The following ADAMTSL1 variants were observed in gnomAD, a reference collection of about 807,000 sequenced individuals.
ADAMTSL1 encodes the protein ADAMTS like 1.
Under a neutral mutation model 201.8 loss-of-function variants are expected in ADAMTSL1, and 126 were observed. The observed-to-expected ratio is 0.62, with a 90% CI of 0.54 to 0.72. ADAMTSL1 has a LOEUF of 0.72. Ranked by LOEUF, ADAMTSL1 falls within the 30% of genes least tolerant of loss-of-function variation. The probability of loss-of-function intolerance (pLI) is 0.00; values close to 1 mark genes in which losing one functional copy is unlikely to be tolerated. For synonymous variants in ADAMTSL1, 1,121 were observed against 903.4 expected (o/e 1.24, Z -4.32); for missense variants, 2,679 against 2,277.8 (o/e 1.18, Z -3.59).
chr9:18,811,059 C>G (rs911452006), intron 20 of ADAMTSL1, among the ~76,000 whole-genome samples: 1 of 145,260 alleles, frequency 6.9e-6, no homozygotes, highest in Non-Finnish European at 1.5e-5. Flanking sequence ...GAAACCTTCT[C>G]TCTCTAACAA....
chr9:18,014,742 G>A (rs1239547898), intron 1 of ADAMTSL1, among the ~76,000 whole-genome samples: 1 of 152,058 alleles, frequency 6.6e-6, no homozygotes, highest in Non-Finnish European at 1.5e-5. Context: ...CAAGGCAGTG[G>A]AGGCTGATGA....
At chr9:18,882,800 C>T (rs1828614558) in intron 23 of ADAMTSL1, among the ~76,000 whole-genome samples, 4 of 151,942 alleles carry the variant, frequency 2.6e-5, no homozygotes. Context: ...TCAAGACCAG[C>T]CTGGGCAACA....
intron 2 of ADAMTSL1, among the ~76,000 whole-genome samples, chr9:18,347,588 A>C (rs1270463496): frequency 1.3e-5 from 2 of 152,190 alleles, no homozygotes; most frequent in Non-Finnish European, 2.9e-5. Context: ...AAAACAATGA[A>C]TCAGCACAGC....
intron 2 of ADAMTSL1, among the ~76,000 whole-genome samples, chr9:18,203,458 G>T (rs111698495): frequency 6.6e-6 from 1 of 151,510 alleles, no homozygotes; most frequent in African/African-American, 2.4e-5. Context: ...AGATTGACTA[G>T]TATAGAAAGG....
intron 3 of ADAMTSL1, among the ~76,000 whole-genome samples, chr9:18,551,339 T>C (rs949998361): frequency 6.6e-6 from 1 of 151,924 alleles, no homozygotes; most frequent in Non-Finnish European, 1.5e-5. Context: ...TTAGGACAAT[T>C]TGCCTCTATG....
At chr9:18,594,190 C>T (rs774312879) in intron 4 of ADAMTSL1, among the ~76,000 whole-genome samples, 1 of 152,162 alleles carries the variant, frequency 6.6e-6, no homozygotes, top group South Asian at 2.1e-4. Context: ...TATTTTCCCA[C>T]TCCTTCCTGG....
At chr9:18,005,549 C>T (rs929273087) in intron 1 of ADAMTSL1, among the ~76,000 whole-genome samples, 4 of 152,026 alleles carry the variant, frequency 2.6e-5, no homozygotes, top group Admixed American at 2.0e-4. Context: ...TTCTCCCCTC[C>T]ATACTACTTT....
intron 2 of ADAMTSL1, among the ~76,000 whole-genome samples, chr9:18,180,855 T>A (rs1196583208): frequency 1.3e-5 from 2 of 152,134 alleles, no homozygotes; most frequent in African/African-American, 4.8e-5. Flanking sequence ...AGAACAAAGC[T>A]GGAGGCATCA....
intron 14 of ADAMTSL1, among the ~76,000 whole-genome samples, chr9:18,707,470 A>G (rs1416727569): frequency 6.6e-6 from 1 of 152,206 alleles, no homozygotes; most frequent in Non-Finnish European, 1.5e-5. Context: ...TGATTTCCCA[A>G]AGTAATATCT....
At chr9:18,385,891 T>C (rs184974082) in intron 2 of ADAMTSL1, among the ~76,000 whole-genome samples, 24 of 152,198 alleles carry the variant, frequency 1.6e-4, no homozygotes, top group Non-Finnish European at 2.5e-4. Context: ...TTGTAAATGA[T>C]GTGAGAATGT....
chr9:18,161,654 A>G (rs894022840), intron 1 of ADAMTSL1, among the ~76,000 whole-genome samples: 1 of 152,036 alleles, frequency 6.6e-6, no homozygotes, highest in African/African-American at 2.4e-5. Context: ...GCCCTGAATA[A>G]CAAGTCCATG....
intron 2 of ADAMTSL1, among the ~76,000 whole-genome samples, chr9:18,462,178 A>G (rs1468029533): frequency 1.3e-5 from 2 of 152,226 alleles, no homozygotes; most frequent in African/African-American, 2.4e-5. Context: ...ATAGGTCTAC[A>G]TTTTATATAT....
intron 2 of ADAMTSL1, among the ~76,000 whole-genome samples, chr9:18,346,409 G>A (rs1835720391): frequency 6.6e-6 from 1 of 152,050 alleles, no homozygotes; most frequent in South Asian, 2.1e-4. Context: ...GGGCAGTCTG[G>A]GTTTGCACTT....
At chr9:18,126,024 A>AC (rs755925804) in intron 1 of ADAMTSL1, among the ~76,000 whole-genome samples, 31 of 152,294 alleles carry the variant, frequency 2.0e-4, no homozygotes, top group Non-Finnish European at 3.5e-4. Flanking sequence ...TGCCTGACGT[A>AC]CCTGCCACCA....
intron 1 of ADAMTSL1, among the ~76,000 whole-genome samples, chr9:18,010,059 TG>T (rs1323676847): frequency 2.0e-5 from 3 of 152,152 alleles, no homozygotes; most frequent in Non-Finnish European, 4.4e-5. Context: ...ATCCCACAAC[TG>T]ATACTGTGTG....
At chr9:18,652,991 A>C (rs1432048798) in intron 7 of ADAMTSL1, among the ~76,000 whole-genome samples, 1 of 152,234 alleles carries the variant, frequency 6.6e-6, no homozygotes, top group Non-Finnish European at 1.5e-5. Context: ...AAAGAGAAGA[A>C]GTGAATAGTA....
chr9:18,046,237 A>T (rs550573303), intron 1 of ADAMTSL1, among the ~76,000 whole-genome samples: 1 of 152,186 alleles, frequency 6.6e-6, no homozygotes, highest in East Asian at 1.9e-4. Context: ...AACAAGAGCG[A>T]CTTAAATAAG....
intron 4 of ADAMTSL1, among the ~76,000 whole-genome samples, chr9:18,587,875 T>A (rs190013767): frequency 4.5e-4 from 69 of 152,324 alleles, no homozygotes; most frequent in African/African-American, 1.7e-3. Flanking sequence ...CATTTATTAA[T>A]TGATGAACAC....
intron 20 of ADAMTSL1, among the ~76,000 whole-genome samples, chr9:18,814,834 T>C (rs1462404843): frequency 1.3e-5 from 2 of 152,040 alleles, no homozygotes; most frequent in Non-Finnish European, 2.9e-5. Flanking sequence ...TGACACAAGG[T>C]TACCTATGTA....
Sources: allele counts gnomAD v4.1 joint callset (sites outside exome capture counted in the v4.1 genomes callset), GRCh38; gene constraint gnomAD v4.1.1; transcripts MANE v1.5; gene names NCBI Gene and HGNC (gene_info 2026-07-23, HGNC 2026-07-21).